The following GLCCI1 variants were observed in gnomAD, a reference collection of about 807,000 sequenced individuals.
The protein encoded by GLCCI1 is glucocorticoid induced 1.
GLCCI1 carries 24 observed loss-of-function variants against 52.2 expected under a neutral mutation model. That is an observed-to-expected ratio of 0.46 (90% CI 0.33 to 0.65). The LOEUF is 0.65. GLCCI1 is among the 30% of genes least tolerant of loss of function. The probability of loss-of-function intolerance (pLI) is 0.02; values close to 1 mark genes in which losing one functional copy is unlikely to be tolerated. For missense variants in GLCCI1, 704 were observed against 701.5 expected (o/e 1.00, Z -0.04); for synonymous variants, 310 against 276.5 (o/e 1.12, Z -1.20).
At position 8,024,072 on chromosome 7, in the gene GLCCI1, C is replaced by CTA. The variant is rs202098730; in HGVS notation, c.696+1504_696+1505dup. Among the ~76,000 whole-genome samples the CTA allele has an allele frequency of 7.9e-3, 1,203 of 152,226 alleles. 23 individuals are homozygous for CTA. Among genetic ancestry groups the CTA allele is most frequent in the African/African-American group, 0.028 (1,149 of 41,524 alleles). ...TGAGTAAGTCTAAGTCTTTTAAAGG[C>CTA]TAGCAGTAAGTCATTTTTTTCCTCC... On this transcript the variant is annotated intron_variant, in intron 3 of 7. Transcript: ENST00000223145.
chr7:8,056,925 G>A (rs139264829), intron 4 of GLCCI1, among the ~76,000 whole-genome samples: 9 of 152,066 alleles, frequency 5.9e-5, no homozygotes, highest in Non-Finnish European at 8.8e-5. Flanking sequence ...CTAGAAACAG[G>A]GCAGTAAGAT....
chr7:7,990,651 A>G (rs775548418), intron 1 of GLCCI1, among the ~76,000 whole-genome samples: 21 of 152,066 alleles, frequency 1.4e-4, no homozygotes, highest in Non-Finnish European at 2.8e-4. Context: ...TGGCCTCTAC[A>G]AAAGTGTGAT....
At chr7:8,055,636 A>G (rs1465416937) in intron 4 of GLCCI1, 87 bp downstream of exon 4, 10 of 815,006 alleles carry the variant, frequency 1.2e-5, no homozygotes, top group Non-Finnish European at 2.1e-5. Context: ...AAAAAAACCC[A>G]TAAATATTTA....
At chr7:8,005,792 TG>T in intron 2 of GLCCI1, among the ~76,000 whole-genome samples, 1 of 152,106 alleles carries the variant, frequency 6.6e-6, no homozygotes, top group African/African-American at 2.4e-5. Flanking sequence ...GTTTTTTTTT[TG>T]TTTGTTTGTT....
At chr7:8,079,059 G>A (rs1433918568) in intron 6 of GLCCI1, among the ~76,000 whole-genome samples, 1 of 152,104 alleles carries the variant, frequency 6.6e-6, no homozygotes, top group East Asian at 1.9e-4. Flanking sequence ...ATATTTAAGT[G>A]AATATTTAAA....
chr7:8,080,494 G>A (rs1179462852), intron 6 of GLCCI1, among the ~76,000 whole-genome samples: 2 of 151,448 alleles, frequency 1.3e-5, no homozygotes, highest in Non-Finnish European at 2.9e-5. Context: ...ATTTCAGGAT[G>A]ATAGATCTCT....
chr7:7,980,936 C>G, intron 1 of GLCCI1: 1 of 596,156 alleles, frequency 1.7e-6, no homozygotes, highest in Non-Finnish European at 3.1e-6. Context: ...TCACCAGAAC[C>G]TACAAGGGAA....
intron 1 of GLCCI1, 69 bp from the exon 2 acceptor site, chr7:8,003,839 T>C: frequency 7.2e-7 from 1 of 1,385,454 alleles, no homozygotes; most frequent in East Asian, 2.3e-5. Context: ...TTCTACAAAC[T>C]ATGAAGTTAG....
intron 1 of GLCCI1, among the ~76,000 whole-genome samples, chr7:7,973,285 A>T (rs1357903163): frequency 6.6e-6 from 1 of 152,196 alleles, no homozygotes; most frequent in East Asian, 1.9e-4. Context: ...ATTAGTAACA[A>T]CCAAAAGAAA....
At chr7:8,062,448 G>A (rs1782540209) in intron 5 of GLCCI1, among the ~76,000 whole-genome samples, 1 of 152,208 alleles carries the variant, frequency 6.6e-6, no homozygotes, top group Non-Finnish European at 1.5e-5. Flanking sequence ...TTGTTTAGCA[G>A]CATACTGTAG....
chr7:8,067,419 G>A (rs1017614366), intron 5 of GLCCI1, among the ~76,000 whole-genome samples: 1 of 152,106 alleles, frequency 6.6e-6, no homozygotes, highest in African/African-American at 2.4e-5. Flanking sequence ...TCATTGTGTT[G>A]TTAGCTGGTT....
intron 1 of GLCCI1, among the ~76,000 whole-genome samples, chr7:7,994,515 A>G (rs1468744422): frequency 2.0e-5 from 3 of 152,190 alleles, no homozygotes; most frequent in Non-Finnish European, 4.4e-5. Flanking sequence ...AGAGGTAGAA[A>G]GGCAAGAGAG....
At position 7,989,457 on chromosome 7, in the gene GLCCI1, A is replaced by G. The variant is rs535966633; in HGVS notation, c.458-14451A>G. Among the ~76,000 whole-genome samples, 11 of 152,244 alleles carry G rather than the reference A, an allele frequency of 7.2e-5. No individual in the cohort carries two copies. In the South Asian group the frequency reaches 2.1e-3, roughly 29 times the overall value. On this transcript the variant is annotated intron_variant, in intron 1 of 7. Transcript: ENST00000223145. ...TATAAATGAGGAAAATAGAATGACA[A>G]TTGGACCTGAATTCAAGTTGTTTTT...
At chr7:8,075,922 T>C (rs1584023371) in intron 6 of GLCCI1, among the ~76,000 whole-genome samples, 1 of 152,224 alleles carries the variant, frequency 6.6e-6, no homozygotes, top group Non-Finnish European at 1.5e-5. Flanking sequence ...CTCATAAATA[T>C]TCGTATTGCT....
chr7:8,083,380 G>C (rs201678304), intron 6 of GLCCI1, among the ~76,000 whole-genome samples: 1 of 135,970 alleles, frequency 7.4e-6, no homozygotes, highest in African/African-American at 2.5e-5. Context: ...TTGGTTTTTT[G>C]TTTGTTTGTT....
intron 3 of GLCCI1, among the ~76,000 whole-genome samples, chr7:8,026,584 G>A (rs34059590): frequency 0.066 from 10,091 of 152,358 alleles, 350 homozygotes; most frequent in East Asian, 0.09. Flanking sequence ...CCTGGCAGCA[G>A]TTGTGCGGAG....
At chr7:8,033,565 A>T (rs1781803775) in intron 3 of GLCCI1, among the ~76,000 whole-genome samples, 1 of 152,150 alleles carries the variant, frequency 6.6e-6, no homozygotes, top group Admixed American at 6.5e-5. Flanking sequence ...ATGATATGAG[A>T]TCAACATACA....
chr7:7,998,431 G>A (rs1780987216), intron 1 of GLCCI1, among the ~76,000 whole-genome samples: 1 of 152,142 alleles, frequency 6.6e-6, no homozygotes. Context: ...GGCCAAGCTG[G>A]TCTCAATCTC....
chr7:8,055,865 C>G, intron 4 of GLCCI1: 1 of 178,006 alleles, frequency 5.6e-6, no homozygotes, highest in Non-Finnish European at 1.2e-5. Flanking sequence ...TCGTGCCGGG[C>G]GCCTGTAGTC....
Sources: allele counts gnomAD v4.1 joint callset (sites outside exome capture counted in the v4.1 genomes callset), GRCh38; gene constraint gnomAD v4.1.1; transcripts MANE v1.5; gene names NCBI Gene and HGNC (gene_info 2026-07-23, HGNC 2026-07-21).